Variants in FOCAD observed in about 807,000 individuals in gnomAD.
FOCAD encodes KIAA1797.
A neutral mutation model predicts 225.6 loss-of-function variants in FOCAD; 198 were observed. The observed-to-expected ratio is 0.88, with a 90% CI of 0.78 to 0.99. FOCAD has a LOEUF of 0.99. Ranked by LOEUF, FOCAD falls within the 50% of genes least tolerant of loss-of-function variation. The probability of loss-of-function intolerance (pLI) is 0.00; values close to 1 mark genes in which losing one functional copy is unlikely to be tolerated. For synonymous variants in FOCAD, 897 were observed against 755.0 expected, an observed-to-expected ratio of 1.19 and a Z score of -3.08; for missense variants, 2,713 against 2,123.6, an observed-to-expected ratio of 1.28 and a Z score of -5.46.
At chr9:20,692,348 G>T (rs1455793295) in intron 1 of FOCAD, among the ~76,000 whole-genome samples, 1 of 152,056 alleles carries the variant, frequency 6.6e-6, no homozygotes, top group Admixed American at 6.5e-5. Flanking sequence ...TGGAAAGTGT[G>T]TTGGCTATAC....
Position 20,995,883 on chromosome 9 carries a change from A to G in FOCAD, c.*254A>G, listed in dbSNP as rs565716670. 9.1e-5 allele frequency: 24 copies of G among 262,962 alleles called. No individual in the cohort carries two copies. Among genetic ancestry groups the G allele is most frequent in the Non-Finnish European group, 1.3e-4 (18 of 138,070 alleles). The allele number at this position is 262,962 out of a possible 1,614,324, so 16.3% of individuals were successfully genotyped here. A position where few individuals can be genotyped will look rare whatever the true frequency, so the allele number is the denominator to read the frequency against. ...TATTTGGCTTGAGTTCAATGTGGAG[A>G]TTTTCTTTGTGAAAGCTTGAAGATA... is the stretch of plus-strand genomic sequence containing the variant. On this transcript the variant is annotated 3_prime_UTR_variant, in exon 44 of 44. Coordinates refer to ENST00000338382, the MANE Select transcript of FOCAD (RefSeq NM_001375567.1).
intron 35 of FOCAD, among the ~76,000 whole-genome samples, chr9:20,963,068 C>A: frequency 6.6e-6 from 1 of 152,156 alleles, no homozygotes; most frequent in East Asian, 1.9e-4. Context: ...CAATTTCCAA[C>A]AGCTACTATA....
At chr9:20,881,185 A>T (rs1830637474) in intron 19 of FOCAD, among the ~76,000 whole-genome samples, 1 of 152,228 alleles carries the variant, frequency 6.6e-6, no homozygotes, top group Admixed American at 6.5e-5. Flanking sequence ...ATTCTCATGA[A>T]AATGTGGGAC....
intron 18 of FOCAD, among the ~76,000 whole-genome samples, chr9:20,868,749 C>G (rs1829504960): frequency 6.6e-6 from 1 of 151,922 alleles, no homozygotes; most frequent in Admixed American, 6.6e-5. Flanking sequence ...GGATATGACC[C>G]ATTCCAAAAA....
chr9:20,659,995 C>T (rs1821664798), intron 2 of FOCAD, among the ~76,000 whole-genome samples: 1 of 152,110 alleles, frequency 6.6e-6, no homozygotes, highest in South Asian at 2.1e-4. Flanking sequence ...GAATAATATG[C>T]CATCAAGGCC....
rs1830084501 is a variant in FOCAD, at chr9:20,874,714, G to T, written c.2224G>T (p.Asp742Tyr). 6.2e-7 allele frequency: 1 copy of T among 1,613,530 alleles called. No homozygotes were observed. The highest frequency in any genetic ancestry group is 8.5e-7 in the Non-Finnish European group (1 of 1,179,652). ...RPEIPIPEEL[D>Y]DDEDVEDVDL... Reference sequence around the variant, plus strand: ...AGAAATTCCCATTCCTGAAGAGTTAGATGACGATGAAGATGTTGAGGATGT... The same window carrying T: ...AGAAATTCCCATTCCTGAAGAGTTATATGACGATGAAGATGTTGAGGATGT... Residue 742 changes from aspartate (D) to tyrosine (Y), a missense_variant, in exon 19 of 44, where the codon GAT becomes TAT. Coordinates refer to ENST00000338382, the MANE Select transcript of FOCAD (RefSeq NM_001375567.1).
intron 3 of FOCAD, among the ~76,000 whole-genome samples, chr9:20,719,731 G>C (rs1477495219): frequency 1.3e-5 from 2 of 150,342 alleles, no homozygotes; most frequent in African/African-American, 4.9e-5. Context: ...CACAGTGTGA[G>C]AGGGGGAAAG....
intron 30 of FOCAD, 150 bp from the exon 31 acceptor site, chr9:20,948,121 A>G (rs1471016805): frequency 1.3e-6 from 1 of 771,896 alleles, no homozygotes; most frequent in South Asian, 2.4e-5. Flanking sequence ...AAAAACAAAA[A>G]AACACTTAAG....
intron 1 of FOCAD, among the ~76,000 whole-genome samples, chr9:20,685,087 T>A (rs1822580582): frequency 6.6e-6 from 1 of 152,236 alleles, no homozygotes; most frequent in Admixed American, 6.5e-5. Flanking sequence ...TTCCAAACTT[T>A]TTTGATGGAT....
intron 15 of FOCAD, among the ~76,000 whole-genome samples, chr9:20,844,403 C>G (rs955847406): frequency 8.3e-6 from 1 of 120,410 alleles, no homozygotes; most frequent in African/African-American, 3.2e-5. Context: ...CTGTGTCACT[C>G]AGGCTGGAAT....
rs1237687016 is a variant in FOCAD, at chr9:20,874,730, T to A, written c.2240T>A (p.Val747Asp). 3 of 1,613,644 alleles carry A rather than the reference T, an allele frequency of 1.9e-6. No homozygotes were observed. Among genetic ancestry groups the A allele is most frequent in the Middle Eastern group, 3.3e-4 (2 of 6,052 alleles). Residue 747 changes from valine (V) to aspartate (D), a missense_variant, in exon 19 of 44, where the codon GTT becomes GAT. Transcript: ENST00000338382. The part of the protein sequence containing the change: ...IPEELDDDED[V>D]EDVDLSVPGS... Reference sequence around the variant, plus strand: ...GAAGAGTTAGATGACGATGAAGATGTTGAGGATGTGGATCTTTCAGTTCCT... The same window carrying A: ...GAAGAGTTAGATGACGATGAAGATGATGAGGATGTGGATCTTTCAGTTCCT...
intron 1 of FOCAD, among the ~76,000 whole-genome samples, chr9:20,706,087 A>G (rs1824365101): frequency 6.6e-6 from 1 of 151,794 alleles, no homozygotes; most frequent in African/African-American, 2.4e-5. Context: ...GGCATGAGCC[A>G]CCATACCCGG....
intron 1 of FOCAD, chr9:20,684,701 T>A (rs1205233611): frequency 6.6e-6 from 1 of 152,262 alleles, no homozygotes; most frequent in Admixed American, 6.5e-5. Flanking sequence ...GGTTCCCTAG[T>A]TGGGGGCAGA....
chr9:20,891,852 T>G (rs1831642736), intron 21 of FOCAD, among the ~76,000 whole-genome samples: 1 of 152,182 alleles, frequency 6.6e-6, no homozygotes, highest in Non-Finnish European at 1.5e-5. Flanking sequence ...GAGCTGTCTA[T>G]TGGCAGAAGA....
intron 11 of FOCAD, among the ~76,000 whole-genome samples, chr9:20,814,501 A>G (rs1823444879): frequency 1.3e-5 from 2 of 151,688 alleles, no homozygotes; most frequent in Admixed American, 6.6e-5. Flanking sequence ...GATTACATAT[A>G]TGTGCCACCA....
chr9:20,741,504 A>G (rs986021060), intron 5 of FOCAD, among the ~76,000 whole-genome samples: 5 of 151,996 alleles, frequency 3.3e-5, no homozygotes, highest in African/African-American at 1.2e-4. Flanking sequence ...TTTGCATTTT[A>G]TATTTTTTCT....
At chr9:20,807,211 A>G (rs1420594965) in intron 11 of FOCAD, among the ~76,000 whole-genome samples, 6 of 152,188 alleles carry the variant, frequency 3.9e-5, no homozygotes, top group Non-Finnish European at 8.8e-5. Context: ...CTGCTACTGT[A>G]TATTCCAGGA....
intron 42 of FOCAD, among the ~76,000 whole-genome samples, chr9:20,992,444 T>C (rs2132715788): frequency 6.6e-6 from 1 of 152,316 alleles, no homozygotes; most frequent in East Asian, 1.9e-4. Context: ...CCTAGGAGCC[T>C]AGACCAAGCT....
intron 7 of FOCAD, 21 bp from the exon 8 acceptor site, chr9:20,770,011 T>A: frequency 1.9e-6 from 3 of 1,596,116 alleles, no homozygotes; most frequent in Non-Finnish European, 2.6e-6. Flanking sequence ...TTTAATATCA[T>A]ATAATGACTT....
Sources: allele counts gnomAD v4.1 joint callset (sites outside exome capture counted in the v4.1 genomes callset), GRCh38; gene constraint gnomAD v4.1.1; transcripts MANE v1.5; gene names NCBI Gene and HGNC (gene_info 2026-07-23, HGNC 2026-07-21).